The following ANKS1B variants were observed in gnomAD, a reference collection of about 807,000 sequenced individuals.
The protein encoded by ANKS1B is ankyrin repeat and sterile alpha motif domain containing 1B.
In ANKS1B, 36 loss-of-function variants were observed where a neutral mutation model predicts 148.3. The ratio of observed to expected loss-of-function variants is 0.24; its 90% CI spans 0.19 to 0.32. The LOEUF (loss-of-function observed/expected upper bound fraction) is 0.32. Ranked by LOEUF, ANKS1B falls within the 10% of genes least tolerant of loss-of-function variation. The pLI, the probability that ANKS1B is intolerant of heterozygous loss-of-function variation, is 1.00. For missense variants in ANKS1B, 1,157 were observed against 1,542.6 expected (o/e 0.75, Z 4.19); for synonymous variants, 542 against 560.8 (o/e 0.97, Z 0.47).
At chr12:99,073,573 T>C (rs1018326969) in intron 16 of ANKS1B, among the ~76,000 whole-genome samples, 1 of 152,198 alleles carries the variant, frequency 6.6e-6, no homozygotes, top group Non-Finnish European at 1.5e-5. Context: ...ATGGCCTATA[T>C]CTGCTTTTCT....
intron 11 of ANKS1B, among the ~76,000 whole-genome samples, chr12:99,439,264 T>A (rs958100121): frequency 3.3e-5 from 5 of 151,372 alleles, no homozygotes; most frequent in African/African-American, 7.3e-5. Flanking sequence ...CTGGGACAAG[T>A]CACAAAAACA....
intron 12 of ANKS1B, among the ~76,000 whole-genome samples, chr12:99,337,142 T>C (rs2152311424): frequency 6.6e-6 from 1 of 152,208 alleles, no homozygotes; most frequent in East Asian, 1.9e-4. Flanking sequence ...ACCATTAGAT[T>C]TCCCTTTTGA....
At chr12:99,883,085 A>C (rs2092619643) in intron 1 of ANKS1B, among the ~76,000 whole-genome samples, 1 of 152,248 alleles carries the variant, frequency 6.6e-6, no homozygotes, top group South Asian at 2.1e-4. Flanking sequence ...AGAGAGAACA[A>C]CAGGAATGGT....
rs193218999 is a variant in ANKS1B at position 99,302,253 on chromosome 12, G to A, written c.1757-55389C>T. Among the ~76,000 whole-genome samples, 9 of 152,196 alleles carry A rather than the reference G, an allele frequency of 5.9e-5. No homozygotes were observed. The East Asian group carries it at 1.7e-3, about 29-fold the overall frequency. On this transcript the variant is annotated intron_variant, in intron 12 of 26. Coordinates refer to ENST00000683438, the MANE Select transcript of ANKS1B (RefSeq NM_001352186.2). ...AAGAATTGATTTACAGGGGAATTTT[G>A]CCGCAGTGTTATCCAAACACTAAAT...
chr12:99,438,122 T>TTC (rs1180329104), intron 11 of ANKS1B, among the ~76,000 whole-genome samples: 1 of 151,876 alleles, frequency 6.6e-6, no homozygotes, highest in East Asian at 1.9e-4. Context: ...TTCTCAATGA[T>TTC]TCTCTCTCTC....
chr12:98,878,782 A>G (rs543628010), intron 17 of ANKS1B, among the ~76,000 whole-genome samples: 1 of 152,332 alleles, frequency 6.6e-6, no homozygotes, highest in South Asian at 2.1e-4. Context: ...TTTATTCTTC[A>G]ACAAAATCTA....
intron 11 of ANKS1B, among the ~76,000 whole-genome samples, chr12:99,434,805 T>C (rs190493326): frequency 9.7e-4 from 148 of 152,148 alleles, no homozygotes; most frequent in African/African-American, 3.3e-3. Flanking sequence ...TGTCTAGACA[T>C]GCTCTAGGGG....
intron 1 of ANKS1B, among the ~76,000 whole-genome samples, chr12:99,884,703 G>A (rs963750867): frequency 6.6e-6 from 1 of 152,046 alleles, no homozygotes. Context: ...AAAAAACAGG[G>A]ACAGAGAAAA....
chr12:99,771,539 G>C (rs1420218257), intron 8 of ANKS1B, among the ~76,000 whole-genome samples: 1 of 152,028 alleles, frequency 6.6e-6, no homozygotes, highest in African/African-American at 2.4e-5. Flanking sequence ...ATATTAAAAT[G>C]TAACTGATTG....
At chr12:98,862,152 G>C (rs531008517) in intron 17 of ANKS1B, among the ~76,000 whole-genome samples, 28 of 152,154 alleles carry the variant, frequency 1.8e-4, no homozygotes, top group African/African-American at 6.5e-4. Flanking sequence ...GTAAGATTTT[G>C]GTGTGGTTAT....
intron 8 of ANKS1B, among the ~76,000 whole-genome samples, chr12:99,700,067 T>C (rs888083763): frequency 3.3e-5 from 5 of 152,216 alleles, no homozygotes; most frequent in African/African-American, 1.2e-4. Context: ...TTTTAATGTA[T>C]TTGTGAGTTT....
At chr12:99,155,797 G>A (rs754901041) in intron 14 of ANKS1B, among the ~76,000 whole-genome samples, 18 of 152,168 alleles carry the variant, frequency 1.2e-4, no homozygotes, top group Admixed American at 2.6e-4. Context: ...GTTCCTAGAG[G>A]AATATCTTCC....
At chr12:98,869,358 C>T (rs957738110) in intron 17 of ANKS1B, among the ~76,000 whole-genome samples, 15 of 152,056 alleles carry the variant, frequency 9.9e-5, no homozygotes, top group South Asian at 2.1e-4. Flanking sequence ...GGACTGGGCA[C>T]GAGTCAAAAC....
intron 17 of ANKS1B, among the ~76,000 whole-genome samples, chr12:98,841,497 ATTCTGT>A (rs963150477): frequency 2.0e-5 from 3 of 152,168 alleles, no homozygotes; most frequent in African/African-American, 7.2e-5. Flanking sequence ...AATCCAGCCA[ATTCTGT>A]TTCTGTCAGC....
chr12:99,968,635 T>C (rs1412414141), intron 1 of ANKS1B, among the ~76,000 whole-genome samples: 1 of 152,312 alleles, frequency 6.6e-6, no homozygotes, highest in Non-Finnish European at 1.5e-5. Context: ...GTGAAAGGAA[T>C]GAGGACAAAT....
At chr12:99,227,537 G>A (rs1172784962) in intron 14 of ANKS1B, among the ~76,000 whole-genome samples, 1 of 152,208 alleles carries the variant, frequency 6.6e-6, no homozygotes, top group African/African-American at 2.4e-5. Context: ...AGCCTGTGGG[G>A]AGGAGAGATG....
At chr12:99,197,756 T>C (rs2153892684) in intron 14 of ANKS1B, among the ~76,000 whole-genome samples, 1 of 152,296 alleles carries the variant, frequency 6.6e-6, no homozygotes, top group Admixed American at 6.5e-5. Context: ...AATGGATTTT[T>C]TTTGAAAGCC....
At chr12:99,799,925 T>C (rs1170740394) in intron 4 of ANKS1B, among the ~76,000 whole-genome samples, 1 of 152,108 alleles carries the variant, frequency 6.6e-6, no homozygotes, top group Non-Finnish European at 1.5e-5. Context: ...CTCTGGCTTT[T>C]CCTCTGAGTG....
intron 17 of ANKS1B, among the ~76,000 whole-genome samples, chr12:99,025,176 T>A (rs1183735654): frequency 6.6e-6 from 1 of 152,210 alleles, no homozygotes; most frequent in African/African-American, 2.4e-5. Context: ...GAACTCAGAA[T>A]ACGATTCATA....
Sources: allele counts gnomAD v4.1 joint callset (sites outside exome capture counted in the v4.1 genomes callset), GRCh38; gene constraint gnomAD v4.1.1; transcripts MANE v1.5; gene names NCBI Gene and HGNC (gene_info 2026-07-23, HGNC 2026-07-21).